The following RBKS variants were observed in gnomAD, a reference collection of about 807,000 sequenced individuals.
The protein encoded by RBKS is ribokinase.
A neutral mutation model predicts 33.9 loss-of-function variants in RBKS; 33 were observed. The observed-to-expected ratio is 0.97, with a 90% CI of 0.74 to 1.30. RBKS has a LOEUF of 1.30. RBKS is among the 50% of genes most tolerant of loss of function. The probability of loss-of-function intolerance (pLI) is 0.00; values close to 1 mark genes in which losing one functional copy is unlikely to be tolerated. For synonymous variants in RBKS, 125 were observed against 143.0 expected, an observed-to-expected ratio of 0.87 and a Z score of 0.90; for missense variants, 361 against 392.6, an observed-to-expected ratio of 0.92 and a Z score of 0.68.
intron 7 of RBKS, among the ~76,000 whole-genome samples, chr2:27,813,091 C>T (rs1678023223): frequency 6.6e-6 from 1 of 150,662 alleles, no homozygotes; most frequent in South Asian, 2.1e-4. Context: ...ATTCACAAGC[C>T]AAGAGATCAA....
At position 27,887,058 on chromosome 2, in the gene RBKS, G is replaced by A. The variant is rs191967088; in HGVS notation, c.89+3199C>T. ...GTGAATATGTTGTTACGTGGCAAGG[G>A]GAAATTAAGGTTCCTAATAAGTCAC... On this transcript the variant is annotated intron_variant, in intron 1 of 7. Transcript: ENST00000302188. Among the ~76,000 whole-genome samples, 271 of 152,240 alleles carry A rather than the reference G, an allele frequency of 1.8e-3. 1 individual carries two copies. The highest frequency in any genetic ancestry group is 6.3e-3 in the African/African-American group (261 of 41,540).
intron 3 of RBKS, among the ~76,000 whole-genome samples, chr2:27,847,538 T>C (rs1663644788): frequency 6.6e-6 from 1 of 152,232 alleles, no homozygotes; most frequent in Admixed American, 6.5e-5. Flanking sequence ...AGGTCTGGCA[T>C]ATAAACAGAA....
intron 7 of RBKS, among the ~76,000 whole-genome samples, chr2:27,799,002 G>C (rs1484086523): frequency 6.6e-5 from 10 of 152,128 alleles, no homozygotes; most frequent in Non-Finnish European, 1.3e-4. Context: ...TCACCTCCCT[G>C]TCCTGAGACC....
intron 1 of RBKS, among the ~76,000 whole-genome samples, chr2:27,883,696 C>CA (rs1664466603): frequency 6.6e-6 from 1 of 151,844 alleles, no homozygotes; most frequent in African/African-American, 2.4e-5. Context: ...TAATAGTACA[C>CA]AGTAGGTGCT....
chr2:27,861,387 C>T (rs1663981213), intron 1 of RBKS: 5 of 431,062 alleles, frequency 1.2e-5, no homozygotes, highest in African/African-American at 2.0e-5. Context: ...GGGCAACTGT[C>T]CGACAATAAC....
intron 7 of RBKS, among the ~76,000 whole-genome samples, chr2:27,796,235 TA>T (rs1677663411): frequency 7.0e-6 from 1 of 142,506 alleles, no homozygotes; most frequent in South Asian, 2.3e-4. Context: ...ATTTTTTTTT[TA>T]AACGGAAAGT....
intron 7 of RBKS, among the ~76,000 whole-genome samples, chr2:27,794,015 G>A (rs1677588082): frequency 1.3e-5 from 2 of 151,888 alleles, no homozygotes; most frequent in African/African-American, 2.4e-5. Flanking sequence ...AAGAAGTTTT[G>A]GGGGCTGGGC....
At chr2:27,853,089 A>T (rs1330902892) in intron 2 of RBKS, among the ~76,000 whole-genome samples, 5 of 152,162 alleles carry the variant, frequency 3.3e-5, no homozygotes, top group Non-Finnish European at 5.9e-5. Context: ...CCTTTAGGCT[A>T]GGCATGGTGG....
chr2:27,821,809 A>T (rs944335375), intron 7 of RBKS, among the ~76,000 whole-genome samples: 5 of 152,250 alleles, frequency 3.3e-5, no homozygotes, highest in African/African-American at 1.2e-4. Context: ...AAAAATTGAC[A>T]GTGCAGTTCA....
intron 5 of RBKS, 108 bp from the exon 6 acceptor site, chr2:27,832,885 C>T (rs1678449847): frequency 2.7e-6 from 2 of 732,616 alleles, no homozygotes; most frequent in Non-Finnish European, 4.9e-6. Context: ...TTGTCTTCAT[C>T]TGGTTAAATA....
intron 1 of RBKS, chr2:27,861,629 C>A: frequency 2.2e-6 from 1 of 452,380 alleles, no homozygotes; most frequent in Admixed American, 2.5e-5. Context: ...AAATAATTCA[C>A]GGAATAAGGA....
At chr2:27,799,356 C>G (rs1474330254) in intron 7 of RBKS, among the ~76,000 whole-genome samples, 4 of 152,190 alleles carry the variant, frequency 2.6e-5, no homozygotes, top group African/African-American at 9.7e-5. Context: ...TCCGTACCCA[C>G]GCTGAATGAG....
chr2:27,865,252 G>A (rs941736854), intron 1 of RBKS, among the ~76,000 whole-genome samples: 4 of 152,106 alleles, frequency 2.6e-5, no homozygotes, highest in East Asian at 1.9e-4. Context: ...CCCAGGAGGC[G>A]GAGGTTGCAG....
chr2:27,782,305 C>T (rs915378442), intron 7 of RBKS, among the ~76,000 whole-genome samples: 5 of 152,068 alleles, frequency 3.3e-5, no homozygotes, highest in African/African-American at 9.7e-5. Context: ...CTTCAGCATC[C>T]CAAGTAGCCA....
chr2:27,877,247 T>C (rs1164452988), intron 1 of RBKS, among the ~76,000 whole-genome samples: 1 of 152,068 alleles, frequency 6.6e-6, no homozygotes, highest in Non-Finnish European at 1.5e-5. Context: ...TTACACATTA[T>C]AAATATCTTT....
At chr2:27,786,167 G>A (rs1677397225) in intron 7 of RBKS, among the ~76,000 whole-genome samples, 1 of 152,156 alleles carries the variant, frequency 6.6e-6, no homozygotes, top group Non-Finnish European at 1.5e-5. Flanking sequence ...AGAATATAGA[G>A]AAAAATGAAG....
intron 7 of RBKS, among the ~76,000 whole-genome samples, chr2:27,824,642 T>C (rs1439052800): frequency 6.6e-6 from 1 of 152,256 alleles, no homozygotes; most frequent in African/African-American, 2.4e-5. Flanking sequence ...CACTGGGTTC[T>C]TTCCAATTTT....
intron 1 of RBKS, among the ~76,000 whole-genome samples, chr2:27,866,150 A>G (rs1271306013): frequency 6.6e-6 from 1 of 152,142 alleles, no homozygotes; most frequent in East Asian, 1.9e-4. Context: ...AAAAGTCTTT[A>G]GGAAGTCTTT....
chr2:27,890,325 G>C lies in RBKS; in HGVS notation c.21C>G (p.Pro7=), dbSNP rs1664711070. The stretch of plus-strand genomic sequence containing the variant: ...CCACCTCCTCTTGCCACTGCCTCTG[G>C]GGTTCCCCAGACGCCGCCATCGCTC... MAASGE[P]QRQWQEEVAA... is the part of the protein sequence containing the mutation. Residue 7 remains proline (P), a synonymous_variant, in exon 1 of 8, where the codon CCC becomes CCG. Transcript: ENST00000302188. The surrounding 1 kb of genome is among the most constrained non-coding windows in gnomAD (Gnocchi z 4.8). The C allele has an allele frequency of 5.6e-6, 9 of 1,613,674 alleles. No individual in the cohort carries two copies. The highest frequency in any genetic ancestry group is 2.2e-5 in the South Asian group (2 of 91,076).
Sources: allele counts gnomAD v4.1 joint callset (sites outside exome capture counted in the v4.1 genomes callset), GRCh38; gene constraint gnomAD v4.1.1; non-coding constraint Gnocchi (gnomAD v3.1); transcripts MANE v1.5; gene names NCBI Gene and HGNC (gene_info 2026-07-23, HGNC 2026-07-21).